The following BAIAP2L2 variants were observed in gnomAD, a reference collection of about 807,000 sequenced individuals.
BAIAP2L2 encodes BAR/IMD domain-containing adapter protein 2-like 2.
A neutral mutation model predicts 60.4 loss-of-function variants in BAIAP2L2; 65 were observed. That is an observed-to-expected ratio of 1.08 (90% CI 0.88 to 1.32). The LOEUF is 1.32. BAIAP2L2 is among the 40% of genes most tolerant of loss of function. BAIAP2L2 has a pLI of 0.00. For synonymous variants in BAIAP2L2, 344 were observed against 301.7 expected (o/e 1.14, Z -1.45); for missense variants, 836 against 741.2 (o/e 1.13, Z -1.48).
Position 38,090,150 on chromosome 22 carries a change from G to A in BAIAP2L2, c.613-476C>T, listed in dbSNP as rs2086261351. The A allele has an allele frequency of 2.5e-5, 3 of 120,428 alleles. No individual in the cohort carries two copies. The South Asian group carries it at 8.2e-4, about 33-fold the overall frequency. The allele number at this position is 120,428 out of a possible 1,614,324, so 7.5% of individuals were successfully genotyped here. Reference sequence around the variant, plus strand: ...TTTTTAGACGGAGTCTGGCTCTGTCGCCCAGGCTGGAGTGCAATGGCGCGA... The same window carrying A: ...TTTTTAGACGGAGTCTGGCTCTGTCACCCAGGCTGGAGTGCAATGGCGCGA... On this transcript the variant is annotated intron_variant, in intron 7 of 13. Transcript: ENST00000381669.
chr22:38,086,659 C>G (rs549507326), intron 11 of BAIAP2L2, among the ~76,000 whole-genome samples: 1 of 152,000 alleles, frequency 6.6e-6, no homozygotes, highest in African/African-American at 2.4e-5. Context: ...GGCTCAGGGC[C>G]GGTGGTTCTC....
intron 6 of BAIAP2L2, 45 bp downstream of exon 6, chr22:38,098,018 C>CCCCCCCCCCCCTACAGGG: frequency 1.4e-6 from 1 of 694,908 alleles, no homozygotes; most frequent in Non-Finnish European, 2.5e-6. Context: ...CCGAGGTCTG[C>CCCCCCCCCCCCTACAGGG]CCACCCGCCC....
chr22:38,109,488 C>T (rs1197339539), intron 1 of BAIAP2L2, among the ~76,000 whole-genome samples: 3 of 152,128 alleles, frequency 2.0e-5, no homozygotes, highest in Non-Finnish European at 4.4e-5. Context: ...AGGTGCCTCC[C>T]GAGATGGTGC....
At position 38,109,221 on chromosome 22, in the gene BAIAP2L2, G is replaced by A; in HGVS notation, c.52-13C>T. 1 of 1,600,478 alleles carries A rather than the reference G, an allele frequency of 6.2e-7. No homozygotes were observed. The highest frequency in any genetic ancestry group is 8.6e-7 in the Non-Finnish European group (1 of 1,168,198). ...GCTCCATGATGCTCTGGACCCCAGG[G>A]TCAGGGGAGGAAAAAGGTGTAGAGA... On this transcript the variant is annotated splice_polypyrimidine_tract_variant and intron_variant, in intron 1 of 13. Coordinates refer to ENST00000381669, the MANE Select transcript of BAIAP2L2 (RefSeq NM_025045.6).
chr22:38,100,855 C>G (rs1015497931), intron 4 of BAIAP2L2, among the ~76,000 whole-genome samples: 3 of 152,158 alleles, frequency 2.0e-5, no homozygotes, highest in South Asian at 2.1e-4. Context: ...GTGAAAGAAG[C>G]TAGACACAAA....
chr22:38,093,171 T>C (rs569805086), intron 7 of BAIAP2L2, among the ~76,000 whole-genome samples: 9 of 151,690 alleles, frequency 5.9e-5, no homozygotes, highest in Non-Finnish European at 1.2e-4. Flanking sequence ...CATCTTAAAA[T>C]AAAAAGAAAA....
rs78222270 is a variant in BAIAP2L2, at chr22:38,109,716, C to T, written c.52-508G>A. 3.0e-3 allele frequency among the ~76,000 whole-genome samples: 454 copies of T among 152,168 alleles called. 2 individuals carry two copies. The highest frequency in any genetic ancestry group is 0.01 in the African/African-American group (422 of 41,534). On this transcript the variant is annotated intron_variant, in intron 1 of 13. Transcript: ENST00000381669. ...CTGGATTAGTGTGGGCCTCCTCGGG[C>T]TGGGGCCGGGCAGAGAGCTCCCCGG...
intron 11 of BAIAP2L2, 79 bp downstream of exon 11, chr22:38,087,045 C>T (rs2086103767): frequency 3.5e-6 from 5 of 1,428,356 alleles, no homozygotes; most frequent in Non-Finnish European, 4.6e-6. Context: ...CAAGCCTGCA[C>T]CTTGCAGATC....
chr22:38,107,826 T>C, intron 4 of BAIAP2L2, 26 bp downstream of exon 4: 3 of 1,608,494 alleles, frequency 1.9e-6, no homozygotes, highest in Non-Finnish European at 2.6e-6. Context: ...GAGTGACCCC[T>C]CCAGGCCCTG....
At chr22:38,088,286 C>T (rs2086161385) in intron 10 of BAIAP2L2, among the ~76,000 whole-genome samples, 1 of 152,212 alleles carries the variant, frequency 6.6e-6, no homozygotes, top group African/African-American at 2.4e-5. Context: ...TCCTCCACGT[C>T]AAGTGTCAAA....
intron 4 of BAIAP2L2, among the ~76,000 whole-genome samples, chr22:38,106,704 C>T (rs143458224): frequency 3.9e-4 from 59 of 152,300 alleles, no homozygotes; most frequent in African/African-American, 1.3e-3. Flanking sequence ...CCCCACCCCA[C>T]CTCTCCCACT....
intron 7 of BAIAP2L2, 38 bp from the exon 8 acceptor site, chr22:38,089,712 G>C (rs1281220993): frequency 1.6e-6 from 2 of 1,226,304 alleles, no homozygotes; most frequent in African/African-American, 3.1e-5. Flanking sequence ...CCAGGTCCGG[G>C]CGGCTCCCTG....
intron 7 of BAIAP2L2, among the ~76,000 whole-genome samples, chr22:38,096,178 G>C (rs1193594511): frequency 6.6e-6 from 1 of 152,124 alleles, no homozygotes; most frequent in African/African-American, 2.4e-5. Flanking sequence ...TCAAACTTAA[G>C]AGAGACATTA....
At chr22:38,099,451 T>G (rs1270654552) in intron 4 of BAIAP2L2, among the ~76,000 whole-genome samples, 17 of 151,922 alleles carry the variant, frequency 1.1e-4, no homozygotes. Flanking sequence ...GGAGAATCAC[T>G]TGAACCAGGG....
rs1384810958 is a variant in BAIAP2L2 at position 38,087,193 on chromosome 22, GTCACGGGGGTCATGGGAT to G, written c.1172_1189del (p.Asn391_Val396del). The G allele has an allele frequency of 7.5e-6, 12 of 1,600,732 alleles. No individual in the cohort carries two copies. The highest frequency in any genetic ancestry group is 1.8e-5 in the Admixed American group (1 of 56,522). ...CATGGAGGTCATGGAGGTCATGGGG[GTCACGGGGGTCATGGGAT>G]TCACGGGCCCCTCCTCCAGAGCCTT... is the stretch of plus-strand genomic sequence containing the variant. On this transcript the variant is annotated inframe_deletion, in exon 11 of 14. Coordinates refer to ENST00000381669, the MANE Select transcript of BAIAP2L2 (RefSeq NM_025045.6).
intron 12 of BAIAP2L2, 146 bp downstream of exon 12, chr22:38,086,096 C>A: frequency 1.1e-6 from 1 of 948,186 alleles, no homozygotes; most frequent in Non-Finnish European, 1.6e-6. Context: ...CAGCCCCACA[C>A]CACCCCTCCC....
chr22:38,098,017 G>GCC, intron 6 of BAIAP2L2, 46 bp downstream of exon 6: 2 of 741,774 alleles, frequency 2.7e-6, no homozygotes, highest in East Asian at 3.2e-5. Flanking sequence ...CCCGAGGTCT[G>GCC]CCCACCCGCC....
At position 38,095,350 on chromosome 22, in the gene BAIAP2L2, T is replaced by C. The variant is rs78529220; in HGVS notation, c.612+1682A>G. On this transcript the variant is annotated intron_variant, in intron 7 of 13. Transcript: ENST00000381669. ...TCAGAATAGTTGGAGGGCAGGAAAA[T>C]ACTTCTTAAGGTATTATCTCATCTT... Among the ~76,000 whole-genome samples the C allele has an allele frequency of 8.5e-3, 1,298 of 152,010 alleles. 18 individuals are homozygous for C. The highest frequency in any genetic ancestry group is 0.029 in the African/African-American group (1,202 of 41,452).
chr22:38,109,070 C>T (rs2086731579), intron 2 of BAIAP2L2, 63 bp downstream of exon 2: 2 of 1,103,818 alleles, frequency 1.8e-6, no homozygotes, highest in African/African-American at 1.9e-5. Context: ...CTGGGAGGGG[C>T]CTGGGTGGGT....
Sources: gnomAD v4.1 joint callset for allele counts (sites outside exome capture counted in the v4.1 genomes callset) on GRCh38, gnomAD v4.1.1 for gene constraint, MANE v1.5 for transcripts, NCBI Gene and HGNC (gene_info 2026-07-23, HGNC 2026-07-21) for gene names.